TMEM132D: variants seen among roughly 807,000 people sequenced by gnomAD.
TMEM132D encodes transmembrane protein 132D.
Under a neutral mutation model 62.3 loss-of-function variants are expected in TMEM132D, and 21 were observed. The ratio of observed to expected loss-of-function variants is 0.34; its 90% CI spans 0.24 to 0.49. The LOEUF (loss-of-function observed/expected upper bound fraction) is 0.49, where lower values mean the gene tolerates loss of function less well. Among genes scored for constraint, TMEM132D ranks in the 20% least tolerant of loss-of-function variants. TMEM132D has a pLI of 0.99. For synonymous variants in TMEM132D, 621 were observed against 575.6 expected, an observed-to-expected ratio of 1.08 and a Z score of -1.13; for missense variants, 1,346 against 1,402.8, an observed-to-expected ratio of 0.96 and a Z score of 0.65.
At chr12:129,883,266 G>A (rs1349249550) in intron 1 of TMEM132D, among the ~76,000 whole-genome samples, 1 of 152,098 alleles carries the variant, frequency 6.6e-6, no homozygotes, top group African/African-American at 2.4e-5. Context: ...ATTTTTTAAA[G>A]AATATTATTC....
chr12:129,713,843 C>T (rs1429455243), intron 1 of TMEM132D, among the ~76,000 whole-genome samples: 5 of 152,212 alleles, frequency 3.3e-5, no homozygotes, highest in Non-Finnish European at 7.3e-5. Context: ...TTGGGTGGAA[C>T]TCAAGAATTT....
intron 2 of TMEM132D, among the ~76,000 whole-genome samples, chr12:129,663,168 T>C (rs1460423934): frequency 6.6e-6 from 1 of 152,106 alleles, no homozygotes; most frequent in Non-Finnish European, 1.5e-5. Context: ...AGATGGAGTT[T>C]CACTCATTAC....
chr12:129,203,112 A>C (rs966184452), intron 5 of TMEM132D, among the ~76,000 whole-genome samples: 1 of 152,160 alleles, frequency 6.6e-6, no homozygotes, highest in Non-Finnish European at 1.5e-5. Flanking sequence ...CTTTTGTATC[A>C]ATCGCTGAGT....
intron 2 of TMEM132D, among the ~76,000 whole-genome samples, chr12:129,658,580 G>T (rs1022720359): frequency 1.3e-5 from 2 of 152,098 alleles, no homozygotes; most frequent in African/African-American, 4.8e-5. Context: ...CCTGAAACTT[G>T]GGGTGGCCTC....
At chr12:129,781,207 T>C (rs1378788349) in intron 1 of TMEM132D, among the ~76,000 whole-genome samples, 1 of 152,210 alleles carries the variant, frequency 6.6e-6, no homozygotes, top group Non-Finnish European at 1.5e-5. Context: ...GTCTTCTTCT[T>C]GGCTCTTTAT....
rs536222676 is a variant in TMEM132D, at chr12:129,256,336, G to A, written c.1300-46673C>T. Among the ~76,000 whole-genome samples, 12 of 152,348 alleles carry A rather than the reference G, an allele frequency of 7.9e-5. No homozygotes were observed. In the South Asian group the frequency reaches 2.5e-3, roughly 32 times the overall value. The stretch of plus-strand genomic sequence containing the variant: ...ACGCAGTGGCGGAATGACATGGTGG[G>A]CACTTGAGTGATATAGTTGTGTTGT... On this transcript the variant is annotated intron_variant, in intron 4 of 8. Coordinates refer to ENST00000422113, the MANE Select transcript of TMEM132D (RefSeq NM_133448.3).
chr12:129,084,165 G>A (rs140357606), intron 6 of TMEM132D, among the ~76,000 whole-genome samples: 1 of 152,238 alleles, frequency 6.6e-6, no homozygotes, highest in Non-Finnish European at 1.5e-5. Flanking sequence ...CAGCCACTCA[G>A]TGTGTTTGAG....
intron 4 of TMEM132D, among the ~76,000 whole-genome samples, chr12:129,237,291 T>C (rs992135046): frequency 1.3e-5 from 2 of 152,128 alleles, no homozygotes; most frequent in African/African-American, 4.8e-5. Flanking sequence ...AAGCAATATA[T>C]ATACAATAAT....
intron 5 of TMEM132D, among the ~76,000 whole-genome samples, chr12:129,157,030 A>G (rs917912195): frequency 6.6e-6 from 1 of 152,126 alleles, no homozygotes; most frequent in Non-Finnish European, 1.5e-5. Context: ...TGAGATAATG[A>G]GCCCACCCCT....
intron 4 of TMEM132D, among the ~76,000 whole-genome samples, chr12:129,283,032 T>C (rs1881198567): frequency 6.6e-6 from 1 of 152,158 alleles, no homozygotes; most frequent in Admixed American, 6.5e-5. Context: ...CTACTTATAC[T>C]AAGTATCTGA....
intron 5 of TMEM132D, among the ~76,000 whole-genome samples, chr12:129,167,593 C>T (rs1277456022): frequency 2.0e-5 from 3 of 151,958 alleles, no homozygotes; most frequent in Non-Finnish European, 4.4e-5. Flanking sequence ...GATCAGGGGA[C>T]CTTTGTCTTC....
intron 2 of TMEM132D, among the ~76,000 whole-genome samples, chr12:129,607,978 G>A (rs190150606): frequency 7.2e-5 from 11 of 152,276 alleles, no homozygotes; most frequent in Admixed American, 5.2e-4. Context: ...TGACTGCGGC[G>A]GGGGAGGAGC....
At chr12:129,556,543 C>A (rs530510697) in intron 2 of TMEM132D, among the ~76,000 whole-genome samples, 2 of 151,874 alleles carry the variant, frequency 1.3e-5, no homozygotes, top group Non-Finnish European at 2.9e-5. Context: ...GTAGAAAAAA[C>A]CTCAAATACT....
At chr12:129,079,361 C>T (rs768420107) in intron 7 of TMEM132D, among the ~76,000 whole-genome samples, 9 of 152,164 alleles carry the variant, frequency 5.9e-5, no homozygotes, top group Admixed American at 2.0e-4. Flanking sequence ...TGAATGTCTA[C>T]GCCTGATGCC....
At chr12:129,246,116 T>C (rs1360708162) in intron 4 of TMEM132D, among the ~76,000 whole-genome samples, 1 of 151,772 alleles carries the variant, frequency 6.6e-6, no homozygotes, top group Non-Finnish European at 1.5e-5. Flanking sequence ...ACAAAGTAAG[T>C]CTGCACATCC....
rs1483464487 is a variant in TMEM132D, at chr12:129,078,430, T to C, written c.2115+104A>G. The C allele has an allele frequency of 1.5e-5, 18 of 1,169,520 alleles. No homozygotes were observed. In the Middle Eastern group the frequency reaches 9.0e-4, roughly 58 times the overall value. The allele number at this position is 1,169,520 out of a possible 1,614,324, so 72.4% of individuals were successfully genotyped here. A position where few individuals can be genotyped will look rare whatever the true frequency, so the allele number is the denominator to read the frequency against. On this transcript the variant is annotated intron_variant, in intron 8 of 8. Coordinates refer to ENST00000422113, the MANE Select transcript of TMEM132D (RefSeq NM_133448.3). ...GATGGAGAAACAAACGCCCGATATA[T>C]GATCCCACTCTATTGTGCGACCCGC...
rs2135600772 is a variant in TMEM132D at position 129,073,413 on chromosome 12, G to A, written c.*462C>T. 6.5e-6 allele frequency: 1 copy of A among 154,704 alleles called. No individual in the cohort carries two copies. The highest frequency in any genetic ancestry group is 6.4e-5 in the Admixed American group (1 of 15,542). 9.6% of individuals were successfully genotyped at this position (154,704 alleles called of 1,614,324 possible). On this transcript the variant is annotated 3_prime_UTR_variant, in exon 9 of 9. Coordinates refer to ENST00000422113, the MANE Select transcript of TMEM132D (RefSeq NM_133448.3). ...CCTGTGATCGCGCTCACAGCAAGAT[G>A]TGCTGCTCCAGTTTCGATGACACGC...
At chr12:129,698,265 C>G (rs545709683) in intron 2 of TMEM132D, 1 of 151,754 alleles carries the variant, frequency 6.6e-6, no homozygotes, top group East Asian at 2.0e-4. Context: ...GCTTGGCCAG[C>G]GCAGATGTGT....
At chr12:129,727,515 T>C (rs764266677) in intron 1 of TMEM132D, among the ~76,000 whole-genome samples, 4 of 152,118 alleles carry the variant, frequency 2.6e-5, no homozygotes, top group Non-Finnish European at 5.9e-5. Flanking sequence ...ATGAATTTTG[T>C]AGAAAATATT....
Sources: allele counts gnomAD v4.1 joint callset (sites outside exome capture counted in the v4.1 genomes callset), GRCh38; gene constraint gnomAD v4.1.1; transcripts MANE v1.5; gene names NCBI Gene and HGNC (gene_info 2026-07-23, HGNC 2026-07-21).